Variants in SLC25A26 observed in about 807,000 individuals in gnomAD.
The protein encoded by SLC25A26 is mitochondrial S-adenosylmethionine carrier protein.
A neutral mutation model predicts 37.8 loss-of-function variants in SLC25A26; 36 were observed. The ratio of observed to expected loss-of-function variants is 0.95; its 90% confidence interval spans 0.73 to 1.26. The LOEUF (loss-of-function observed/expected upper bound fraction) is 1.26. SLC25A26 is among the 50% of genes most tolerant of loss of function. The probability of loss-of-function intolerance (pLI) is 0.00; values close to 1 mark genes in which losing one functional copy is unlikely to be tolerated. For synonymous variants in SLC25A26, 129 were observed against 122.5 expected (o/e 1.05, Z -0.35); for missense variants, 390 against 331.1 (o/e 1.18, Z -1.38).
intron 2 of SLC25A26, 48 bp from the exon 3 acceptor site, chr3:66,243,155 G>C: frequency 1.1e-6 from 1 of 879,542 alleles, no homozygotes; most frequent in Non-Finnish European, 1.9e-6. Context: ...TTAACAGTGT[G>C]AATATATGTT....
At chr3:66,215,437 G>A (rs2071346092) in intron 1 of SLC25A26, among the ~76,000 whole-genome samples, 1 of 152,144 alleles carries the variant, frequency 6.6e-6, no homozygotes, top group Non-Finnish European at 1.5e-5. Context: ...CTGGACTCAA[G>A]TGATCCTCCT....
intron 1 of SLC25A26, among the ~76,000 whole-genome samples, chr3:66,155,820 C>T (rs1464716552): frequency 6.6e-6 from 1 of 152,154 alleles, no homozygotes; most frequent in African/African-American, 2.4e-5. Context: ...CTCTCATCTC[C>T]TCACATCCTC....
chr3:66,204,105 T>G (rs2071142648), intron 1 of SLC25A26, among the ~76,000 whole-genome samples: 1 of 152,120 alleles, frequency 6.6e-6, no homozygotes, highest in Non-Finnish European at 1.5e-5. Flanking sequence ...TTGCTGGACT[T>G]ACTTATAGGA....
chr3:66,166,119 G>A (rs1246758305), intron 1 of SLC25A26, among the ~76,000 whole-genome samples: 1 of 152,110 alleles, frequency 6.6e-6, no homozygotes, highest in African/African-American at 2.4e-5. Flanking sequence ...TCTATCAAAC[G>A]CCTTCAGTTT....
At chr3:66,331,519 CA>C (rs549168468) in intron 5 of SLC25A26, among the ~76,000 whole-genome samples, 1 of 152,110 alleles carries the variant, frequency 6.6e-6, no homozygotes, top group South Asian at 2.1e-4. Flanking sequence ...GTTTTTTAAA[CA>C]GAATATAGAT....
chr3:66,237,606 G>A (rs1298936787), intron 2 of SLC25A26, among the ~76,000 whole-genome samples: 2 of 152,218 alleles, frequency 1.3e-5, no homozygotes, highest in African/African-American at 2.4e-5. Context: ...TTTTGGTTCT[G>A]AAGTCATGTG....
intron 1 of SLC25A26, among the ~76,000 whole-genome samples, chr3:66,209,769 ATC>A (rs2071250650): frequency 3.6e-5 from 5 of 137,798 alleles, no homozygotes; most frequent in Non-Finnish European, 4.7e-5. Flanking sequence ...TTATAGGTAT[ATC>A]TATAAAGGTA....
chr3:66,136,819 T>G lies in SLC25A26; in HGVS notation c.-354+2835T>G, dbSNP rs2069953161. ...CCTTTCAGGACTTGTTAAGACCTTC[T>G]GTTTATTTCAAGAAGAAAGCCTCAG... On this transcript the variant is annotated intron_variant, in intron 1 of 10. Coordinates refer to the SLC25A26 transcript ENST00000676754. Among the ~76,000 whole-genome samples the G allele has an allele frequency of 2.0e-5, 3 of 152,348 alleles. No homozygotes were observed. In the South Asian group the frequency reaches 6.2e-4, roughly 32 times the overall value.
chr3:66,269,931 G>A (rs1038240536), intron 5 of SLC25A26, among the ~76,000 whole-genome samples: 13 of 152,082 alleles, frequency 8.5e-5, no homozygotes, highest in African/African-American at 2.7e-4. Flanking sequence ...CCTCCTTGTA[G>A]GATGCCCAGG....
chr3:66,278,594 T>C (rs890672369), intron 5 of SLC25A26, among the ~76,000 whole-genome samples: 1 of 152,204 alleles, frequency 6.6e-6, no homozygotes, highest in African/African-American at 2.4e-5. Context: ...GCTCACATTA[T>C]GTTCTTCCCC....
chr3:66,244,782 C>G (rs1559610558), intron 3 of SLC25A26, among the ~76,000 whole-genome samples: 1 of 151,874 alleles, frequency 6.6e-6, no homozygotes, highest in Non-Finnish European at 1.5e-5. Context: ...AGCATCCTGG[C>G]TAACACCGTG....
Position 66,311,055 on chromosome 3 carries a change from A to G in SLC25A26, c.454-35309A>G, listed in dbSNP as rs2107601767. ...GTTGGCCTTTCTTGCTAGGTTGGAGAAGTTCTCCTGGGTAATATCCTCAAG... is the reference window on the plus strand; with the variant it reads ...GTTGGCCTTTCTTGCTAGGTTGGAGGAGTTCTCCTGGGTAATATCCTCAAG... On this transcript the variant is annotated intron_variant, in intron 5 of 9. Transcript: ENST00000354883. 2.0e-5 allele frequency among the ~76,000 whole-genome samples: 3 copies of G among 152,112 alleles called. No individual in the cohort carries two copies. In the South Asian group the frequency reaches 6.2e-4, roughly 32 times the overall value.
chr3:66,321,706 T>G (rs939009531), intron 5 of SLC25A26, among the ~76,000 whole-genome samples: 1 of 152,054 alleles, frequency 6.6e-6, no homozygotes, highest in African/African-American at 2.4e-5. Flanking sequence ...AAAAGTTTTC[T>G]TGGGGGGTTG....
Position 66,310,673 on chromosome 3 carries a change from G to C in SLC25A26, c.454-35691G>C, listed in dbSNP as rs143158581. Among the ~76,000 whole-genome samples, 744 of 152,288 alleles carry C rather than the reference G, an allele frequency of 4.9e-3. 11 individuals are homozygous for C. The highest frequency in any genetic ancestry group is 0.013 in the African/African-American group (546 of 41,556). ...TTTAGCACTTCCTTCAGGAGCTCTT[G>C]TAAGGCAGGCCCGGTGGTGACAAAA... is the stretch of plus-strand genomic sequence containing the variant. On this transcript the variant is annotated intron_variant, in intron 5 of 9. Transcript: ENST00000354883.
intron 6 of SLC25A26, among the ~76,000 whole-genome samples, chr3:66,357,808 T>G (rs2076610917): frequency 6.6e-6 from 1 of 152,192 alleles, no homozygotes; most frequent in African/African-American, 2.4e-5. Context: ...GTAGTTCGAC[T>G]AGAAGTTGAG....
chr3:66,305,750 C>A (rs1281325668), intron 5 of SLC25A26, among the ~76,000 whole-genome samples: 1 of 152,086 alleles, frequency 6.6e-6, no homozygotes, highest in African/African-American at 2.4e-5. Context: ...GTGAATAGTG[C>A]TGCAGTGAAC....
At chr3:66,245,517 C>G (rs1426055479) in intron 3 of SLC25A26, among the ~76,000 whole-genome samples, 2 of 152,022 alleles carry the variant, frequency 1.3e-5, no homozygotes, top group Admixed American at 6.5e-5. Flanking sequence ...AGTTTGTAAG[C>G]CTTTTATCAA....
intron 1 of SLC25A26, among the ~76,000 whole-genome samples, chr3:66,209,898 T>TTTTATATATATATATATATATA (rs1553656263): frequency 1.0e-4 from 4 of 38,608 alleles, no homozygotes; most frequent in Admixed American, 4.4e-4. Context: ...CTCTCTCTAT[T>TTTTATATATATATATATATATA]TATATATATA....
chr3:66,371,684 G>T (rs1700351346), intron 9 of SLC25A26, among the ~76,000 whole-genome samples: 1 of 152,166 alleles, frequency 6.6e-6, no homozygotes, highest in African/African-American at 2.4e-5. Flanking sequence ...ACTTAGGGCT[G>T]CCATATCGTG....
Sources: allele counts gnomAD v4.1 joint callset (sites outside exome capture counted in the v4.1 genomes callset), GRCh38; gene constraint gnomAD v4.1.1; transcripts MANE v1.5; gene names NCBI Gene and HGNC (gene_info 2026-07-23, HGNC 2026-07-21).